The following CSMD1 variants were observed in gnomAD, a reference collection of about 807,000 sequenced individuals.
The protein encoded by CSMD1 is CUB and sushi domain-containing protein 1.
CSMD1 carries 213 observed loss-of-function variants against 417.5 expected under a neutral mutation model. That is an observed-to-expected ratio of 0.51 (90% CI 0.46 to 0.57). CSMD1 has a LOEUF of 0.57. Ranked by LOEUF, CSMD1 falls within the 20% of genes least tolerant of loss-of-function variation. The pLI, the probability that CSMD1 is intolerant of heterozygous loss-of-function variation, is 0.00. For missense variants in CSMD1, 6,923 were observed against 4,529.7 expected (o/e 1.53, Z -15.17); for synonymous variants, 2,862 against 1,736.8 (o/e 1.65, Z -16.11).
chr8:3,486,299 G>T (rs879891316), intron 11 of CSMD1, among the ~76,000 whole-genome samples: 1 of 152,088 alleles, frequency 6.6e-6, no homozygotes, highest in Non-Finnish European at 1.5e-5. Flanking sequence ...TCTATTTGAT[G>T]CAACAATCCA....
intron 1 of CSMD1, among the ~76,000 whole-genome samples, chr8:4,708,667 C>G (rs1280873766): frequency 6.6e-6 from 1 of 151,014 alleles, no homozygotes; most frequent in Non-Finnish European, 1.5e-5. Flanking sequence ...CCATCCTAAC[C>G]AGATTCATTT....
intron 47 of CSMD1, 29 bp downstream of exon 47, chr8:3,096,820 A>G (rs1815339041): frequency 7.2e-7 from 1 of 1,397,206 alleles, no homozygotes; most frequent in African/African-American, 1.4e-5. Flanking sequence ...TGCCGAGGTC[A>G]CTGCTCTACA....
At chr8:4,723,022 T>C (rs1425836420) in intron 1 of CSMD1, among the ~76,000 whole-genome samples, 1 of 152,186 alleles carries the variant, frequency 6.6e-6, no homozygotes, top group East Asian at 1.9e-4. Flanking sequence ...ACTGAGACAC[T>C]GCTATGTAAT....
At position 3,187,980 on chromosome 8, in the gene CSMD1, C is replaced by G; in HGVS notation, c.5524-15G>C. 1 of 1,605,494 alleles carries G rather than the reference C, an allele frequency of 6.2e-7. No homozygotes were observed. Among genetic ancestry groups the G allele is most frequent in the Non-Finnish European group, 8.5e-7 (1 of 1,175,270 alleles). ...ATCACTTGGATCTACCAAACCATGA[C>G]ATTAAGTTAATATTTATTTTTGGCT... On this transcript the variant is annotated splice_polypyrimidine_tract_variant and intron_variant, in intron 35 of 69. Coordinates refer to ENST00000635120, the MANE Select transcript of CSMD1 (RefSeq NM_033225.6).
chr8:4,684,975 T>C (rs568400520), intron 1 of CSMD1, among the ~76,000 whole-genome samples: 24 of 152,208 alleles, frequency 1.6e-4, no homozygotes, highest in African/African-American at 5.3e-4. Flanking sequence ...ATTTTAATGA[T>C]AGTAAGAAAA....
intron 24 of CSMD1, 95 bp from the exon 25 acceptor site, chr8:3,307,916 T>TATATACATAGAGA (rs1805009138): frequency 7.5e-7 from 1 of 1,332,512 alleles, no homozygotes; most frequent in Non-Finnish European, 1.0e-6. Context: ...ATGTCTGCAT[T>TATATACATAGAGA]ATATACATAG....
intron 5 of CSMD1, among the ~76,000 whole-genome samples, chr8:3,864,384 T>C (rs1804936606): frequency 6.6e-6 from 1 of 151,984 alleles, no homozygotes; most frequent in Non-Finnish European, 1.5e-5. Context: ...ACATTTTTAA[T>C]CAAAAGGTGC....
At chr8:3,361,516 G>C (rs553767622) in intron 20 of CSMD1, among the ~76,000 whole-genome samples, 82 of 151,724 alleles carry the variant, frequency 5.4e-4, no homozygotes, top group Admixed American at 5.4e-3. Flanking sequence ...GCTGGGCATG[G>C]TGGTGCATGC....
intron 11 of CSMD1, among the ~76,000 whole-genome samples, chr8:3,484,727 C>T (rs959176516): frequency 2.0e-5 from 3 of 152,198 alleles, no homozygotes; most frequent in Non-Finnish European, 1.5e-5. Context: ...ACAAAGAATT[C>T]TCCAAACTTA....
At chr8:2,972,147 A>G (rs774415853) in intron 57 of CSMD1, among the ~76,000 whole-genome samples, 2 of 152,076 alleles carry the variant, frequency 1.3e-5, no homozygotes, top group Non-Finnish European at 2.9e-5. Context: ...TATAATATAG[A>G]TAGATCATAT....
intron 1 of CSMD1, among the ~76,000 whole-genome samples, chr8:4,858,400 G>A (rs1035658753): frequency 6.6e-6 from 1 of 150,802 alleles, no homozygotes; most frequent in Non-Finnish European, 1.5e-5. Context: ...ACGTAGTGTT[G>A]GAAGTTCTGG....
At chr8:4,145,634 C>T (rs1804065781) in intron 3 of CSMD1, among the ~76,000 whole-genome samples, 2 of 150,944 alleles carry the variant, frequency 1.3e-5, no homozygotes, top group South Asian at 4.1e-4. Flanking sequence ...AGCGATCCTG[C>T]CCACTTGGCC....
intron 25 of CSMD1, among the ~76,000 whole-genome samples, chr8:3,291,233 T>G (rs2117277646): frequency 6.6e-6 from 1 of 152,284 alleles, no homozygotes; most frequent in Non-Finnish European, 1.5e-5. Flanking sequence ...TTGCCAGTAT[T>G]TTATTGAGGA....
chr8:3,592,103 G>C (rs78832010), intron 8 of CSMD1, among the ~76,000 whole-genome samples: 1,669 of 152,190 alleles, frequency 0.011, 33 homozygotes, highest in African/African-American at 0.037. Context: ...CAGATAAATA[G>C]ATGGATAGAT....
intron 2 of CSMD1, among the ~76,000 whole-genome samples, chr8:4,457,997 G>A (rs1186116916): frequency 2.0e-5 from 3 of 152,102 alleles, no homozygotes; most frequent in African/African-American, 2.4e-5. Context: ...TCCCCTGAGA[G>A]GTAGTGACTT....
At chr8:4,075,324 C>G (rs1241845047) in intron 3 of CSMD1, among the ~76,000 whole-genome samples, 2 of 151,918 alleles carry the variant, frequency 1.3e-5, no homozygotes, top group Non-Finnish European at 2.9e-5. Flanking sequence ...AATACCTTCA[C>G]CTAAGAGAAT....
chr8:4,412,238 G>A (rs995909982), intron 3 of CSMD1, among the ~76,000 whole-genome samples: 1 of 152,222 alleles, frequency 6.6e-6, no homozygotes, highest in Admixed American at 6.5e-5. Context: ...GGCCTGGTAG[G>A]AGGTGACTAG....
intron 2 of CSMD1, among the ~76,000 whole-genome samples, chr8:4,559,100 T>C (rs760344747): frequency 1.1e-4 from 16 of 152,182 alleles, no homozygotes; most frequent in Non-Finnish European, 2.1e-4. Context: ...CTGCTGCATG[T>C]TTATACTTCA....
At chr8:4,822,748 T>C (rs571476561) in intron 1 of CSMD1, among the ~76,000 whole-genome samples, 7 of 152,172 alleles carry the variant, frequency 4.6e-5, no homozygotes, top group East Asian at 1.9e-4. Flanking sequence ...TATTTTTATA[T>C]ATAATACTGT....
Sources: allele counts gnomAD v4.1 joint callset (sites outside exome capture counted in the v4.1 genomes callset), GRCh38; gene constraint gnomAD v4.1.1; transcripts MANE v1.5; gene names NCBI Gene and HGNC (gene_info 2026-07-23, HGNC 2026-07-21).